The following JARID2 variants were observed in gnomAD, a reference collection of about 807,000 sequenced individuals.
The protein encoded by JARID2 is protein Jumonji.
In JARID2, 21 loss-of-function variants were observed where a neutral mutation model predicts 125.6. That is an observed-to-expected ratio of 0.17 (90% CI 0.12 to 0.24). The LOEUF (loss-of-function observed/expected upper bound fraction) is 0.24, where lower values mean the gene tolerates loss of function less well. Ranked by LOEUF, JARID2 falls within the 10% of genes least tolerant of loss-of-function variation. The probability of loss-of-function intolerance (pLI) is 1.00; values close to 1 mark genes in which losing one functional copy is unlikely to be tolerated. For missense variants in JARID2, 1,303 were observed against 1,639.6 expected (o/e 0.79, Z 3.55); for synonymous variants, 736 against 661.6 (o/e 1.11, Z -1.73).
At chr6:15,337,416 T>C (rs1295877413) in intron 1 of JARID2, among the ~76,000 whole-genome samples, 4 of 152,182 alleles carry the variant, frequency 2.6e-5, no homozygotes, top group African/African-American at 9.7e-5. Context: ...CCTGTTATCC[T>C]TTCCTCTCCC....
intron 4 of JARID2, among the ~76,000 whole-genome samples, chr6:15,462,180 T>G (rs192121715): frequency 1.4e-3 from 214 of 152,356 alleles, no homozygotes; most frequent in Non-Finnish European, 2.7e-3. Flanking sequence ...GCAAGTCACC[T>G]TACAGATAAT....
intron 3 of JARID2, among the ~76,000 whole-genome samples, chr6:15,445,019 T>C (rs951423090): frequency 1.3e-5 from 2 of 152,072 alleles, no homozygotes; most frequent in African/African-American, 4.8e-5. Flanking sequence ...TCAGAAATCC[T>C]GGACAGAAAT....
Position 15,496,671 on chromosome 6 carries a change from C to G in JARID2, c.1446C>G (p.Asn482Lys), listed in dbSNP as rs562946062. ...KKAPAERGLL[N>K]GHVKKEVPER... The stretch of plus-strand genomic sequence containing the variant: ...CCCCGGCCGAGAGAGGTCTGCTGAA[C>G]GGACACGTGAAGAAGGAAGTGCCGG... The change falls in exon 7 of 18, where the codon AAC becomes AAG. Residue 482 changes from asparagine to lysine, a missense_variant. Asn to Lys is a moderately conservative substitution (Grantham distance 94). Around this residue, in one of 11 missense-constraint regions of JARID2, gnomAD observed 651 missense variants for 581.6 expected, o/e 1.12. Transcript: ENST00000341776. The G allele has an allele frequency of 6.2e-7, 1 of 1,612,858 alleles. No individual in the cohort carries two copies. Among genetic ancestry groups the G allele is most frequent in the South Asian group, 1.1e-5 (1 of 91,074 alleles).
rs1401808061 is a variant in JARID2, at chr6:15,521,603, G to A, written c.*1352G>A. 2.0e-5 allele frequency: 3 copies of A among 152,134 alleles called. No individual in the cohort carries two copies. Among genetic ancestry groups the A allele is most frequent in the Non-Finnish European group, 4.4e-5 (3 of 68,022 alleles). 9.4% of individuals were successfully genotyped at this position (152,134 alleles called of 1,614,324 possible). A position where few individuals can be genotyped will look rare whatever the true frequency, so the allele number is the denominator to read the frequency against. On this transcript the variant is annotated 3_prime_UTR_variant, in exon 18 of 18. Coordinates refer to ENST00000341776, the MANE Select transcript of JARID2 (RefSeq NM_004973.4). ...CCTTCTCCGGTTGTGTGTACAGTAT[G>A]TGTGGAATAAAAAAGGGAAACTGTT...
intron 1 of JARID2, among the ~76,000 whole-genome samples, chr6:15,330,066 G>A (rs925639531): frequency 1.3e-5 from 2 of 152,166 alleles, no homozygotes; most frequent in Non-Finnish European, 2.9e-5. Context: ...CTAAGGAAAA[G>A]GATATATATG....
At chr6:15,306,438 G>A (rs574410338) in intron 1 of JARID2, among the ~76,000 whole-genome samples, 43 of 148,318 alleles carry the variant, frequency 2.9e-4, no homozygotes, top group African/African-American at 1.0e-3. Context: ...GGGTTCAAGC[G>A]ATTCTCCTGC....
intron 1 of JARID2, among the ~76,000 whole-genome samples, chr6:15,287,199 A>C (rs541686713): frequency 5.3e-5 from 8 of 152,270 alleles, no homozygotes; most frequent in African/African-American, 1.9e-4. Context: ...CTTGTTCTCT[A>C]ATCATAGGTT....
At chr6:15,399,512 T>C (rs1302817177) in intron 2 of JARID2, among the ~76,000 whole-genome samples, 2 of 152,192 alleles carry the variant, frequency 1.3e-5, no homozygotes, top group Non-Finnish European at 2.9e-5. Flanking sequence ...TGTGTGTTTA[T>C]GTACATGTAT....
At chr6:15,250,537 T>C (rs974099008) in intron 1 of JARID2, among the ~76,000 whole-genome samples, 2 of 152,202 alleles carry the variant, frequency 1.3e-5, no homozygotes, top group African/African-American at 4.8e-5. Flanking sequence ...CCTATCACTG[T>C]ACAGGGACAG....
At chr6:15,437,332 C>G (rs1290137760) in intron 3 of JARID2, among the ~76,000 whole-genome samples, 1 of 152,180 alleles carries the variant, frequency 6.6e-6, no homozygotes, top group Admixed American at 6.5e-5. Context: ...AACTGTGTCT[C>G]CTTCATTATC....
chr6:15,358,332 T>C (rs1370800058), intron 1 of JARID2, among the ~76,000 whole-genome samples: 1 of 152,248 alleles, frequency 6.6e-6, no homozygotes, highest in Non-Finnish European at 1.5e-5. Context: ...ATGAGATATA[T>C]TGAATCAAAG....
intron 1 of JARID2, among the ~76,000 whole-genome samples, chr6:15,295,903 C>T (rs1761394754): frequency 6.6e-6 from 1 of 152,150 alleles, no homozygotes; most frequent in African/African-American, 2.4e-5. Flanking sequence ...CCTCATGATC[C>T]ACCCTCCTTG....
At chr6:15,347,882 G>T (rs981323398) in intron 1 of JARID2, among the ~76,000 whole-genome samples, 2 of 151,994 alleles carry the variant, frequency 1.3e-5, no homozygotes, top group Non-Finnish European at 2.9e-5. Context: ...CTTGCAAATA[G>T]CTGGGATCAC....
Position 15,296,683 on chromosome 6 carries a change from T to C in JARID2, c.45+50099T>C, listed in dbSNP as rs565740361. ...TTTGTTCCCAAGCCATAGTTAACAATGAGGACACTAATACTGGGAGGCCTT... is the reference window on the plus strand; with the variant it reads ...TTTGTTCCCAAGCCATAGTTAACAACGAGGACACTAATACTGGGAGGCCTT... On this transcript the variant is annotated intron_variant, in intron 1 of 17. Coordinates refer to ENST00000341776, the MANE Select transcript of JARID2 (RefSeq NM_004973.4). Among the ~76,000 whole-genome samples, 44 of 152,326 alleles carry C rather than the reference T, an allele frequency of 2.9e-4. 1 individual carries two copies. The South Asian group carries it at 8.1e-3, about 28-fold the overall frequency.
At chr6:15,414,513 A>C (rs1766041934) in intron 3 of JARID2, among the ~76,000 whole-genome samples, 1 of 136,776 alleles carries the variant, frequency 7.3e-6, no homozygotes, top group Non-Finnish European at 1.6e-5. Flanking sequence ...TTCTTTATGG[A>C]GGCAACTACA....
intron 1 of JARID2, chr6:15,247,465 A>T: frequency 1.0e-6 from 1 of 975,638 alleles, no homozygotes; most frequent in African/African-American, 1.8e-5. Flanking sequence ...GGAAAGGGGG[A>T]CCGAGGGATT....
intron 1 of JARID2, among the ~76,000 whole-genome samples, chr6:15,360,000 C>T (rs962969596): frequency 1.1e-4 from 16 of 152,048 alleles, no homozygotes; most frequent in African/African-American, 2.9e-4. Context: ...TGATGAATTT[C>T]TAAGTCCTCC....
intron 9 of JARID2, among the ~76,000 whole-genome samples, chr6:15,506,597 GGGGAGGC>G (rs1771016215): frequency 6.6e-6 from 1 of 152,192 alleles, no homozygotes; most frequent in Non-Finnish European, 1.5e-5. Context: ...GTGACTGCGT[GGGGAGGC>G]TTGTCTCAAG....
intron 1 of JARID2, among the ~76,000 whole-genome samples, chr6:15,284,831 G>C (rs923729010): frequency 1.3e-5 from 2 of 152,054 alleles, no homozygotes; most frequent in Non-Finnish European, 2.9e-5. Context: ...GGTTGAAAAA[G>C]AGTTAACATC....
Sources: gnomAD v4.1 joint callset for allele counts (sites outside exome capture counted in the v4.1 genomes callset) on GRCh38, gnomAD v4.1.1 for gene constraint, gnomAD v4.1.1 regional missense constraint, MANE v1.5 for transcripts, NCBI Gene and HGNC (gene_info 2026-07-23, HGNC 2026-07-21) for gene names.